ELFN2: variants seen among roughly 807,000 people sequenced by gnomAD.
ELFN2 encodes the protein extracellular leucine rich repeat and fibronectin type III domain containing 2.
A neutral mutation model predicts 45.5 loss-of-function variants in ELFN2; 17 were observed. The observed-to-expected ratio is 0.37, with a 90% CI of 0.26 to 0.56. ELFN2 has a LOEUF of 0.56. ELFN2 is among the 20% of genes least tolerant of loss of function. ELFN2 has a pLI of 0.77. For missense variants in ELFN2, 922 were observed against 1,183.2 expected (o/e 0.78, Z 3.24); for synonymous variants, 550 against 551.5 (o/e 1.00, Z 0.04).
chr22:37,382,001 A>G (rs967168905), intron 2 of ELFN2, among the ~76,000 whole-genome samples: 2 of 138,596 alleles, frequency 1.4e-5, no homozygotes, highest in African/African-American at 5.3e-5. Flanking sequence ...AGAATCTTCA[A>G]TATCAGAGGG....
chr22:37,374,316 C>T lies in ELFN2; in HGVS notation c.1219G>A (p.Gly407Ser), dbSNP rs141391258. The stretch of plus-strand genomic sequence containing the variant: ...ACGGCTCCCAGCACGATAACCATGC[C>T]AAAGAGGCAGCCCAGGATGGTCATG... ...YIMTILGCLF[G>S]MVIVLGAVYY... The change falls in exon 3 of 3, where the codon GGC becomes AGC. Residue 407 changes from glycine to serine, a missense_variant. Physicochemically the swap from Gly to Ser is moderately conservative, Grantham distance 56. Transcript: ENST00000402918. 5.0e-4 allele frequency: 814 copies of T among 1,613,794 alleles called. No individual in the cohort carries two copies. The highest frequency in any genetic ancestry group is 6.5e-4 in the Non-Finnish European group (763 of 1,179,964).
intron 2 of ELFN2, among the ~76,000 whole-genome samples, chr22:37,416,725 C>T (rs185971155): frequency 6.6e-6 from 1 of 152,058 alleles, no homozygotes; most frequent in Non-Finnish European, 1.5e-5. Flanking sequence ...CCACCAAGAA[C>T]CCCCACTTCA....
chr22:37,395,614 T>G (rs1199869073), intron 2 of ELFN2, among the ~76,000 whole-genome samples: 1 of 152,156 alleles, frequency 6.6e-6, no homozygotes, highest in Non-Finnish European at 1.5e-5. Context: ...AGCCAGGAGC[T>G]GAGCAAAGTC....
At position 37,371,976 on chromosome 22, in the gene ELFN2, T is replaced by A. The variant is rs1163026949; in HGVS notation, c.*1096A>T. 1 of 152,168 alleles carries A rather than the reference T, an allele frequency of 6.6e-6. No individual in the cohort carries two copies. The highest frequency in any genetic ancestry group is 6.5e-5 in the Admixed American group (1 of 15,274). The allele number at this position is 152,168 out of a possible 1,614,324, so 9.4% of individuals were successfully genotyped here. On this transcript the variant is annotated 3_prime_UTR_variant, in exon 3 of 3. Coordinates refer to ENST00000402918, the MANE Select transcript of ELFN2 (RefSeq NM_052906.5). The surrounding 1 kb of genome is among the most constrained non-coding windows in gnomAD (Gnocchi z 6.4). Reference sequence around the variant, plus strand: ...AGATCCCACGATGGGGTCGGGCAGGTGGGGACACAGGCCATGGGGACAGGC... The same window carrying A: ...AGATCCCACGATGGGGTCGGGCAGGAGGGGACACAGGCCATGGGGACAGGC...
At chr22:37,408,501 GC>G (rs747306114) in intron 2 of ELFN2, among the ~76,000 whole-genome samples, 6 of 152,200 alleles carry the variant, frequency 3.9e-5, no homozygotes, top group Non-Finnish European at 5.9e-5. Context: ...TTGAGGCTCC[GC>G]TAGGTGAAGT....
At position 37,375,638 on chromosome 22, in the gene ELFN2, G is replaced by T; in HGVS notation, c.-104C>A. 5 of 1,377,030 alleles carry T rather than the reference G, an allele frequency of 3.6e-6. No homozygotes were observed. Among genetic ancestry groups the T allele is most frequent in the South Asian group, 1.5e-5 (1 of 66,022 alleles). The allele number at this position is 1,377,030 out of a possible 1,614,324, so 85.3% of individuals were successfully genotyped here. On this transcript the variant is annotated 5_prime_UTR_variant, in exon 3 of 3. Coordinates refer to ENST00000402918, the MANE Select transcript of ELFN2 (RefSeq NM_052906.5). ...CTCCCTGGGGCCGCCACCATCTTGG[G>T]GGCGACCCCCAGCACGGGGGCCCCA...
chr22:37,396,611 T>C (rs1226591376), intron 2 of ELFN2, among the ~76,000 whole-genome samples: 2 of 152,176 alleles, frequency 1.3e-5, no homozygotes, highest in East Asian at 3.9e-4. Flanking sequence ...ACAAGAGCCT[T>C]GAGCCCTACG....
intron 2 of ELFN2, among the ~76,000 whole-genome samples, chr22:37,398,499 C>T (rs1391964623): frequency 2.0e-5 from 3 of 151,862 alleles, no homozygotes; most frequent in Non-Finnish European, 4.4e-5. Context: ...CCCAGTAAAG[C>T]CCCCCAGCAC....
chr22:37,383,069 C>A (rs534589880), intron 2 of ELFN2, among the ~76,000 whole-genome samples: 26 of 152,324 alleles, frequency 1.7e-4, no homozygotes, highest in African/African-American at 6.3e-4. Flanking sequence ...GCTCTTCCTT[C>A]GCTGTGGTGT....
intron 2 of ELFN2, among the ~76,000 whole-genome samples, chr22:37,403,143 C>T (rs1038015337): frequency 6.6e-6 from 1 of 152,110 alleles, no homozygotes; most frequent in Non-Finnish European, 1.5e-5. Flanking sequence ...CCTCTCTCAC[C>T]AATCGCAAGT....
exon 3 of ELFN2, chr22:37,340,706 T>G (rs1184149485): frequency 1.3e-5 from 2 of 152,060 alleles, no homozygotes; most frequent in Non-Finnish European, 2.9e-5. Context: ...AGGTGGCGGG[T>G]GGGCGGAGAG....
chr22:37,392,145 T>C (rs1324800142), intron 2 of ELFN2, among the ~76,000 whole-genome samples: 1 of 152,192 alleles, frequency 6.6e-6, no homozygotes, highest in Non-Finnish European at 1.5e-5. Context: ...CGTTAGACTT[T>C]CCTTGGCCCT....
rs200730758 is a variant in ELFN2 at position 37,373,291 on chromosome 22, G to C, written c.2244C>G (p.Pro748=). The stretch of plus-strand genomic sequence containing the variant: ...AGGAGTACCCTGAGTAGTAGTGTCT[G>C]GGGGAGAGCTGCGAGTAGGTGGAGT... The part of the protein sequence containing the change: ...KRDSTYSQLS[P]RHYYSGYSSS... Residue 748 remains proline (P), a synonymous_variant, in exon 3 of 3, where the codon CCC becomes CCG. Coordinates refer to ENST00000402918, the MANE Select transcript of ELFN2 (RefSeq NM_052906.5). The C allele has an allele frequency of 9.9e-6, 16 of 1,613,646 alleles. No homozygotes were observed. The highest frequency in any genetic ancestry group is 4.4e-5 in the South Asian group (4 of 91,086).
At chr22:37,353,060 A>G (rs1460454270) in intron 1 of ELFN2, 1 of 150,770 alleles carries the variant, frequency 6.6e-6, no homozygotes. Context: ...CCTGCCCATG[A>G]CAGCAGTAAG....
rs1341106463 is a variant in ELFN2, at chr22:37,374,294, G to A, written c.1241C>T (p.Ala414Val). 6.2e-7 allele frequency: 1 copy of A among 1,613,850 alleles called. No individual in the cohort carries two copies. The highest frequency in any genetic ancestry group is 1.7e-5 in the Admixed American group (1 of 60,020). Residue 414 changes from alanine to valine, a missense_variant, in exon 3 of 3, where the codon GCC (alanine) becomes GTC (valine). By Grantham distance (64) the Ala-to-Val change is moderately conservative (BLOSUM62 0). Transcript: ENST00000402918. ...CLFGMVIVLG[A>V]VYYCLRKRRM... ...CCGCTTGCGCAGGCAGTAGTACACGGCTCCCAGCACGATAACCATGCCAAA... is the reference window on the plus strand; with the variant it reads ...CCGCTTGCGCAGGCAGTAGTACACGACTCCCAGCACGATAACCATGCCAAA...
chr22:37,348,297 G>C lies in ELFN2; in HGVS notation n.149-5594C>G, dbSNP rs144944779. Reference sequence around the variant, plus strand: ...CTAGGGGTGCCAGGTGAGGGGCACTGTGCAGAGAGCAAGAACAGGGCCTCC... The same window carrying C: ...CTAGGGGTGCCAGGTGAGGGGCACTCTGCAGAGAGCAAGAACAGGGCCTCC... On this transcript the variant is annotated intron_variant and non_coding_transcript_variant, in intron 1 of 2. Transcript: ENST00000452946. Among the ~76,000 whole-genome samples the C allele has an allele frequency of 7.7e-4, 117 of 152,360 alleles. 1 individual carries two copies. Among genetic ancestry groups the C allele is most frequent in the Middle Eastern group, 3.4e-3 (1 of 294 alleles).
At chr22:37,415,779 C>G (rs772938077) in intron 2 of ELFN2, among the ~76,000 whole-genome samples, 34 of 151,990 alleles carry the variant, frequency 2.2e-4, no homozygotes, top group Non-Finnish European at 3.8e-4. Flanking sequence ...TGGCTAACAC[C>G]GTGAAACTCC....
At position 37,368,685 on chromosome 22, in the gene ELFN2, A is replaced by G. The variant is rs1168714747; in HGVS notation, c.*4387T>C. ...CAGGCAAGGCTGCCCTAACCTTCAC[A>G]CTGGCTTCCACGGGCAAAGTAAGCC... On this transcript the variant is annotated 3_prime_UTR_variant, in exon 3 of 3. Coordinates refer to ENST00000402918, the MANE Select transcript of ELFN2 (RefSeq NM_052906.5). 1 of 152,268 alleles carries G rather than the reference A, an allele frequency of 6.6e-6. No homozygotes were observed. The highest frequency in any genetic ancestry group is 1.5e-5 in the Non-Finnish European group (1 of 68,090). 9.4% of individuals were successfully genotyped at this position (152,268 alleles called of 1,614,324 possible). A position where few individuals can be genotyped will look rare whatever the true frequency, so the allele number is the denominator to read the frequency against.
chr22:37,398,126 T>A (rs762248063), intron 2 of ELFN2, among the ~76,000 whole-genome samples: 1 of 152,074 alleles, frequency 6.6e-6, no homozygotes, highest in Admixed American at 6.5e-5. Flanking sequence ...GGGTCCCCAT[T>A]TGATAGACAA....
Sources: allele counts gnomAD v4.1 joint callset (sites outside exome capture counted in the v4.1 genomes callset), GRCh38; gene constraint gnomAD v4.1.1; non-coding constraint Gnocchi (gnomAD v3.1); transcripts MANE v1.5; gene names NCBI Gene and HGNC (gene_info 2026-07-23, HGNC 2026-07-21).